Variants in SRRM4 observed in about 807,000 individuals in gnomAD.
SRRM4 encodes serine/arginine repetitive matrix 4, also known as serine/arginine repetitive matrix protein 4.
SRRM4 carries 33 observed loss-of-function variants against 68.9 expected under a neutral mutation model. The ratio of observed to expected loss-of-function variants is 0.48; its 90% CI spans 0.36 to 0.64. The LOEUF is 0.64. Ranked by LOEUF, SRRM4 falls within the 30% of genes least tolerant of loss-of-function variation. The probability of loss-of-function intolerance (pLI) is 0.00; values close to 1 mark genes in which losing one functional copy is unlikely to be tolerated. For synonymous variants in SRRM4, 318 were observed against 318.8 expected (o/e 1.00, Z 0.03); for missense variants, 817 against 827.1 (o/e 0.99, Z 0.15).
At chr12:118,992,023 T>C (rs562276823) in intron 1 of SRRM4, 2 of 152,216 alleles carry the variant, frequency 1.3e-5, no homozygotes, top group Admixed American at 6.5e-5. Flanking sequence ...ATAGTGCGCA[T>C]GTGTAATTTG....
chr12:119,144,870 C>G (rs550492111), intron 8 of SRRM4, among the ~76,000 whole-genome samples: 2 of 152,016 alleles, frequency 1.3e-5, no homozygotes, highest in East Asian at 3.9e-4. Context: ...GCAACTTTTT[C>G]TTTTCAAAAA....
At chr12:119,006,169 G>A (rs1008459459) in intron 1 of SRRM4, among the ~76,000 whole-genome samples, 2 of 152,126 alleles carry the variant, frequency 1.3e-5, no homozygotes, top group African/African-American at 4.8e-5. Flanking sequence ...TCCTTTGGCC[G>A]CCAGTCCTGA....
In SRRM4 at chr12:119,102,385, G is replaced by A; in HGVS notation, c.278+3G>A. The A allele has an allele frequency of 6.2e-7, 1 of 1,605,504 alleles. No individual in the cohort carries two copies. The highest frequency in any genetic ancestry group is 8.5e-7 in the Non-Finnish European group (1 of 1,175,186). On this transcript the variant is annotated splice_donor_region_variant and intron_variant, in intron 2 of 12. Transcript: ENST00000267260. Reference sequence around the variant, plus strand: ...CTGGGTGCCACCAGAGGACACAGGTGAGATCCAATGAGGACGTTCAAGTTG... The same window carrying A: ...CTGGGTGCCACCAGAGGACACAGGTAAGATCCAATGAGGACGTTCAAGTTG...
chr12:119,059,280 A>ATTCATTTG (rs1399573731), intron 1 of SRRM4, among the ~76,000 whole-genome samples: 1 of 152,076 alleles, frequency 6.6e-6, no homozygotes, highest in Non-Finnish European at 1.5e-5. Flanking sequence ...TCATTCATTC[A>ATTCATTTG]TTCATTTGTT....
At chr12:119,071,392 C>T (rs1281499664) in intron 1 of SRRM4, among the ~76,000 whole-genome samples, 1 of 152,144 alleles carries the variant, frequency 6.6e-6, no homozygotes, top group Non-Finnish European at 1.5e-5. Context: ...TCTCTGAGCC[C>T]CAATAATGCG....
intron 8 of SRRM4, among the ~76,000 whole-genome samples, chr12:119,136,116 T>A (rs1437182099): frequency 3.9e-5 from 6 of 152,172 alleles, no homozygotes; most frequent in African/African-American, 1.4e-4. Context: ...TTTACTAAAC[T>A]TATCCCAAAT....
At chr12:119,086,863 C>T (rs1476746034) in intron 1 of SRRM4, among the ~76,000 whole-genome samples, 1 of 152,232 alleles carries the variant, frequency 6.6e-6, no homozygotes, top group Non-Finnish European at 1.5e-5. Flanking sequence ...TCAGCAGTGT[C>T]CATTGTGACT....
intron 1 of SRRM4, among the ~76,000 whole-genome samples, chr12:119,046,466 T>C (rs1016283090): frequency 7.2e-5 from 11 of 152,182 alleles, no homozygotes; most frequent in African/African-American, 2.4e-4. Flanking sequence ...GGATTTTGTA[T>C]GGATTAAATG....
At chr12:119,085,460 A>G (rs1433745949) in intron 1 of SRRM4, among the ~76,000 whole-genome samples, 16 of 152,242 alleles carry the variant, frequency 1.1e-4, no homozygotes, top group Non-Finnish European at 1.5e-5. Context: ...TGCATCTAGC[A>G]GAAAGAACAA....
At chr12:119,070,296 C>T (rs923838371) in intron 1 of SRRM4, among the ~76,000 whole-genome samples, 1 of 151,596 alleles carries the variant, frequency 6.6e-6, no homozygotes, top group African/African-American at 2.4e-5. Flanking sequence ...CATTCAATGT[C>T]TATTTATTGG....
intron 8 of SRRM4, among the ~76,000 whole-genome samples, chr12:119,133,494 T>C (rs4482089): frequency 0.69 from 104,531 of 152,068 alleles, 36,053 homozygotes; most frequent in South Asian, 0.74. Flanking sequence ...TAGCTGCAGC[T>C]CACATGGCTA....
chr12:118,992,975 A>T (rs1953326345), intron 1 of SRRM4, among the ~76,000 whole-genome samples: 1 of 152,180 alleles, frequency 6.6e-6, no homozygotes, highest in Admixed American at 6.5e-5. Flanking sequence ...AAGCTAAGAG[A>T]TGTGAAATGA....
At chr12:119,052,499 T>G (rs540907769) in intron 1 of SRRM4, among the ~76,000 whole-genome samples, 33 of 151,710 alleles carry the variant, frequency 2.2e-4, no homozygotes, top group South Asian at 1.1e-3. Context: ...TAACTGCTTT[T>G]TTGTTGTTGT....
At chr12:119,117,361 G>T (rs1954187703) in intron 4 of SRRM4, among the ~76,000 whole-genome samples, 1 of 152,124 alleles carries the variant, frequency 6.6e-6, no homozygotes, top group Non-Finnish European at 1.5e-5. Context: ...GCTGCACCCT[G>T]CCCCATCTCT....
intron 1 of SRRM4, among the ~76,000 whole-genome samples, chr12:118,995,637 A>G (rs1953344244): frequency 6.6e-6 from 1 of 152,226 alleles, no homozygotes; most frequent in Non-Finnish European, 1.5e-5. Context: ...GACAAGGAGA[A>G]TAAGTCTTTC....
chr12:119,060,504 T>C (rs1313887319), intron 1 of SRRM4, among the ~76,000 whole-genome samples: 1 of 151,590 alleles, frequency 6.6e-6, no homozygotes, highest in African/African-American at 2.4e-5. Flanking sequence ...CTCATCCATT[T>C]ACCCAAATGC....
chr12:119,026,407 C>G (rs1953548665), intron 1 of SRRM4, among the ~76,000 whole-genome samples: 1 of 151,886 alleles, frequency 6.6e-6, no homozygotes, highest in Non-Finnish European at 1.5e-5. Context: ...AGAAAAAGGA[C>G]TCAAAGAGGA....
intron 4 of SRRM4, 26 bp downstream of exon 4, chr12:119,117,034 A>G: frequency 6.2e-7 from 1 of 1,608,944 alleles, no homozygotes; most frequent in Non-Finnish European, 8.5e-7. Context: ...TCTGCAAACA[A>G]GACCTCCCCA....
intron 12 of SRRM4, among the ~76,000 whole-genome samples, chr12:119,155,083 G>A (rs920512620): frequency 6.6e-6 from 1 of 152,168 alleles, no homozygotes; most frequent in African/African-American, 2.4e-5. Context: ...AAATGAAAAG[G>A]GGCAAAAAGA....
Sources: gnomAD v4.1 joint callset for allele counts (sites outside exome capture counted in the v4.1 genomes callset) on GRCh38, gnomAD v4.1.1 for gene constraint, MANE v1.5 for transcripts, NCBI Gene and HGNC (gene_info 2026-07-23, HGNC 2026-07-21) for gene names.